The following BAZ1A variants were observed in gnomAD, a reference collection of about 807,000 sequenced individuals.
The protein encoded by BAZ1A is bromodomain adjacent to zinc finger domain 1A.
BAZ1A carries 50 observed loss-of-function variants against 185.2 expected under a neutral mutation model. The ratio of observed to expected loss-of-function variants is 0.27; its 90% CI spans 0.22 to 0.34. The LOEUF (loss-of-function observed/expected upper bound fraction) is 0.34. Among genes scored for constraint, BAZ1A ranks in the 10% least tolerant of loss-of-function variants. BAZ1A has a pLI of 1.00. For missense variants in BAZ1A, 1,356 were observed against 1,839.9 expected, an observed-to-expected ratio of 0.74 and a Z score of 4.81; for synonymous variants, 571 against 615.6, an observed-to-expected ratio of 0.93 and a Z score of 1.07.
chr14:34,832,213 C>T (rs200594114), intron 3 of BAZ1A, among the ~76,000 whole-genome samples: 1,021 of 78,114 alleles, frequency 0.013, 18 homozygotes, highest in African/African-American at 0.034. Context: ...CACACACACA[C>T]ACATATATAT....
At chr14:34,810,415 T>C (rs1403177148) in intron 5 of BAZ1A, among the ~76,000 whole-genome samples, 1 of 152,248 alleles carries the variant, frequency 6.6e-6, no homozygotes, top group African/African-American at 2.4e-5. Context: ...ACTCATTTTT[T>C]ATGATTTAAC....
At chr14:34,867,035 A>C (rs549993522) in intron 2 of BAZ1A, among the ~76,000 whole-genome samples, 1 of 152,080 alleles carries the variant, frequency 6.6e-6, no homozygotes, top group South Asian at 2.1e-4. Context: ...CGAGGCAGGC[A>C]GATCGCGAGG....
At position 34,780,236 on chromosome 14, in the gene BAZ1A, A is replaced by G. The variant is rs763544754; in HGVS notation, c.2186T>C (p.Met729Thr). The G allele has an allele frequency of 2.1e-5, 34 of 1,613,640 alleles. No homozygotes were observed. The highest frequency in any genetic ancestry group is 1.6e-4 in the African/African-American group (12 of 74,918). The change falls in exon 17 of 27, where the codon ATG (methionine) becomes ACG (threonine). Residue 729 changes from methionine to threonine, a missense_variant. This residue lies in a region of BAZ1A where 434 missense variants were observed against 561.7 expected (regional missense o/e 0.77). Transcript: ENST00000360310. ...TGGGTCATCTTCATCTTCAGTGACC[A>G]TATCTTGATCTAATTCCTTTTGCTC... is the stretch of plus-strand genomic sequence containing the variant. ...DTEQKELDQD[M>T]VTEDEDDPGS...
chr14:34,801,207 C>G lies in BAZ1A; in HGVS notation c.862-14G>C. 6.4e-7 allele frequency: 1 copy of G among 1,563,668 alleles called. No homozygotes were observed. Among genetic ancestry groups the G allele is most frequent in the Non-Finnish European group, 8.7e-7 (1 of 1,143,144 alleles). ...AACATTGTCCTCCTAAAAAACAAAC[C>G]AAAATAGTATGCCTGGTTCTTATAG... is the stretch of plus-strand genomic sequence containing the variant. On this transcript the variant is annotated splice_polypyrimidine_tract_variant and intron_variant, in intron 7 of 26. Coordinates refer to ENST00000360310, the MANE Select transcript of BAZ1A (RefSeq NM_013448.3).
At chr14:34,786,962 C>CA (rs1880498989) in intron 12 of BAZ1A, among the ~76,000 whole-genome samples, 1 of 151,962 alleles carries the variant, frequency 6.6e-6, no homozygotes, top group African/African-American at 2.4e-5. Flanking sequence ...GTAGCCATCA[C>CA]AAAATCATCA....
chr14:34,832,380 TA>T (rs1238572489), intron 3 of BAZ1A, among the ~76,000 whole-genome samples: 1 of 150,750 alleles, frequency 6.6e-6, no homozygotes, highest in Non-Finnish European at 1.5e-5. Context: ...TAATTCATTC[TA>T]TAAGGCCAGA....
intron 2 of BAZ1A, among the ~76,000 whole-genome samples, chr14:34,866,595 G>C (rs1342212098): frequency 6.6e-6 from 1 of 151,050 alleles, no homozygotes; most frequent in Non-Finnish European, 1.5e-5. Flanking sequence ...GTGTACATTG[G>C]TATACTTTTT....
chr14:34,783,881 G>C lies in BAZ1A; in HGVS notation c.1878C>G (p.Thr626=). The C allele has an allele frequency of 1.2e-6, 2 of 1,610,750 alleles. No individual in the cohort carries two copies. The highest frequency in any genetic ancestry group is 1.7e-6 in the Non-Finnish European group (2 of 1,178,808). The stretch of plus-strand genomic sequence containing the variant: ...CAATAAAATCCCTAGTTGAAACTAG[G>C]GTCAGTAGCTTTCCACAGAGAGCAT... ...ILHALCGKLL[T]LVSTRDFIED... The change falls in exon 15 of 27, where the codon ACC becomes ACG. Residue 626 remains threonine (T), a synonymous_variant. Coordinates refer to ENST00000360310, the MANE Select transcript of BAZ1A (RefSeq NM_013448.3).
chr14:34,781,509 A>G (rs1014598856), intron 16 of BAZ1A, among the ~76,000 whole-genome samples: 6 of 145,012 alleles, frequency 4.1e-5, no homozygotes, highest in Non-Finnish European at 7.5e-5. Context: ...ACAACATGTG[A>G]TCTTTTGTCA....
chr14:34,849,712 G>A (rs921249823), intron 3 of BAZ1A, among the ~76,000 whole-genome samples: 1 of 152,064 alleles, frequency 6.6e-6, no homozygotes, highest in African/African-American at 2.4e-5. Context: ...TCTGCAATGT[G>A]TTCTAATGCA....
At chr14:34,778,425 G>A (rs1173488502) in intron 17 of BAZ1A, among the ~76,000 whole-genome samples, 1 of 152,206 alleles carries the variant, frequency 6.6e-6, no homozygotes, top group Admixed American at 6.5e-5. Flanking sequence ...TAGTTCGGAA[G>A]TATTTTTTCG....
intron 12 of BAZ1A, among the ~76,000 whole-genome samples, chr14:34,789,497 G>A (rs1003606932): frequency 1.1e-4 from 17 of 152,130 alleles, no homozygotes; most frequent in African/African-American, 3.1e-4. Context: ...ATTATATCCA[G>A]TATTTTATGA....
intron 16 of BAZ1A, among the ~76,000 whole-genome samples, chr14:34,782,621 ATT>A (rs942816505): frequency 6.6e-6 from 1 of 152,162 alleles, no homozygotes; most frequent in African/African-American, 2.4e-5. Flanking sequence ...ATTAATGGGT[ATT>A]TTTATACACA....
chr14:34,764,294 T>C (rs556837592), intron 23 of BAZ1A, among the ~76,000 whole-genome samples: 50 of 144,710 alleles, frequency 3.5e-4, no homozygotes, highest in African/African-American at 1.2e-3. Context: ...CTTTTCTTTT[T>C]TTTTTTTTTT....
intron 11 of BAZ1A, among the ~76,000 whole-genome samples, chr14:34,794,096 C>T (rs1479496183): frequency 6.6e-6 from 1 of 151,890 alleles, no homozygotes; most frequent in Non-Finnish European, 1.5e-5. Context: ...TGCGCCACTG[C>T]ACTCTAGCCT....
At chr14:34,780,369 T>C in intron 16 of BAZ1A, 59 bp from the exon 17 acceptor site, 1 of 1,521,184 alleles carries the variant, frequency 6.6e-7, no homozygotes, top group Non-Finnish European at 8.9e-7. Flanking sequence ...ATTTATGAAA[T>C]ATTTATTGCT....
intron 2 of BAZ1A, among the ~76,000 whole-genome samples, chr14:34,865,349 C>T (rs10136352): frequency 0.55 from 83,635 of 151,998 alleles, 23,992 homozygotes; most frequent in Non-Finnish European, 0.65. Context: ...TCCTGCTTTA[C>T]ACTTTGTTCT....
intron 3 of BAZ1A, among the ~76,000 whole-genome samples, chr14:34,851,264 T>C (rs886905380): frequency 3.7e-5 from 5 of 135,402 alleles, no homozygotes; most frequent in African/African-American, 1.4e-4. Flanking sequence ...ACCCAGGATA[T>C]GGAGGTTGTG....
chr14:34,833,961 C>T (rs1477894602), intron 3 of BAZ1A, among the ~76,000 whole-genome samples: 3 of 152,068 alleles, frequency 2.0e-5, no homozygotes, highest in Non-Finnish European at 2.9e-5. Flanking sequence ...TGGTAGCAAA[C>T]GGAAATGATG....
Sources: gnomAD v4.1 joint callset for allele counts (sites outside exome capture counted in the v4.1 genomes callset) on GRCh38, gnomAD v4.1.1 for gene constraint, gnomAD v4.1.1 regional missense constraint, MANE v1.5 for transcripts, NCBI Gene and HGNC (gene_info 2026-07-23, HGNC 2026-07-21) for gene names.